Variants in PTPRZ1 observed in about 807,000 individuals in gnomAD.
PTPRZ1 encodes protein tyrosine phosphatase receptor type Z1.
A neutral mutation model predicts 214.1 loss-of-function variants in PTPRZ1; 82 were observed. The observed-to-expected ratio is 0.38, with a 90% confidence interval of 0.32 to 0.46. The LOEUF (loss-of-function observed/expected upper bound fraction) is 0.46, where lower values mean the gene tolerates loss of function less well. Ranked by LOEUF, PTPRZ1 falls within the 20% of genes least tolerant of loss-of-function variation. The pLI, the probability that PTPRZ1 is intolerant of heterozygous loss-of-function variation, is 1.00. For missense variants in PTPRZ1, 2,603 were observed against 2,748.7 expected (o/e 0.95, Z 1.19); for synonymous variants, 945 against 987.9 (o/e 0.96, Z 0.81).
chr7:121,939,726 C>T (rs953308856), intron 2 of PTPRZ1, among the ~76,000 whole-genome samples: 6 of 152,148 alleles, frequency 3.9e-5, no homozygotes, highest in Non-Finnish European at 7.4e-5. Context: ...GATTGTACAG[C>T]GTAAGCCAGA....
rs1469182458 is a variant in PTPRZ1 at position 122,010,385 on chromosome 7, A to G, written c.1339A>G (p.Arg447Gly). 15 of 1,613,982 alleles carry G rather than the reference A, an allele frequency of 9.3e-6. No homozygotes were observed. The highest frequency in any genetic ancestry group is 1.2e-5 in the Non-Finnish European group (14 of 1,179,924). The change falls in exon 12 of 30, where the codon AGA (arginine) becomes GGA (glycine). Residue 447 changes from arginine to glycine, a missense_variant. Physicochemically the swap from Arg to Gly is moderately radical, Grantham distance 125. Transcript: ENST00000393386. ...IEEGAIVNPG[R>G]DSATNQIRKK... ...AGAAGGCGCTATTGTGAATCCTGGTAGAGACAGTGCTACAAACCAAATCAG... is the reference window on the plus strand; with the variant it reads ...AGAAGGCGCTATTGTGAATCCTGGTGGAGACAGTGCTACAAACCAAATCAG...
At chr7:122,059,342 A>T (rs953297163) in intron 28 of PTPRZ1, 1 of 163,590 alleles carries the variant, frequency 6.1e-6, no homozygotes, top group Admixed American at 6.3e-5. Context: ...TCTTCCTAGG[A>T]TTCCATCATA....
chr7:121,918,421 G>A (rs1795489868), intron 1 of PTPRZ1, among the ~76,000 whole-genome samples: 1 of 152,106 alleles, frequency 6.6e-6, no homozygotes, highest in Non-Finnish European at 1.5e-5. Flanking sequence ...GTTTTGCTAT[G>A]GTTCTTGTTT....
chr7:121,932,396 G>A (rs982854441), intron 2 of PTPRZ1, among the ~76,000 whole-genome samples: 18 of 152,124 alleles, frequency 1.2e-4, no homozygotes, highest in African/African-American at 3.6e-4. Context: ...ATAACTGTAT[G>A]AAAATAATGA....
intron 1 of PTPRZ1, among the ~76,000 whole-genome samples, chr7:121,905,785 C>T (rs1795098544): frequency 6.6e-6 from 1 of 152,008 alleles, no homozygotes; most frequent in African/African-American, 2.4e-5. Context: ...TATGGTTGGG[C>T]CGCAAGTAAA....
intron 1 of PTPRZ1, among the ~76,000 whole-genome samples, chr7:121,895,131 ATTTC>A (rs1460450426): frequency 6.6e-6 from 1 of 152,170 alleles, no homozygotes; most frequent in Non-Finnish European, 1.5e-5. Flanking sequence ...AGGGTATATT[ATTTC>A]TTTCTCTTCT....
chr7:122,034,233 T>C, intron 16 of PTPRZ1, 49 bp from the exon 17 acceptor site: 3 of 1,583,194 alleles, frequency 1.9e-6, no homozygotes, highest in East Asian at 2.2e-5. Flanking sequence ...TTAAGGCACG[T>C]TGTTTGAAAG....
At chr7:121,986,022 T>G (rs1423266921) in intron 8 of PTPRZ1, among the ~76,000 whole-genome samples, 11 of 152,232 alleles carry the variant, frequency 7.2e-5, no homozygotes, top group Non-Finnish European at 1.5e-4. Flanking sequence ...TTATACTTAA[T>G]GGGTGCTTCC....
At chr7:122,054,135 G>T in intron 26 of PTPRZ1, 97 bp downstream of exon 26, 1 of 1,373,506 alleles carries the variant, frequency 7.3e-7, no homozygotes, top group Admixed American at 2.1e-5. Flanking sequence ...AAGTAATTTT[G>T]TTTTCAACTA....
chr7:121,936,829 C>T (rs1796098617), intron 2 of PTPRZ1, among the ~76,000 whole-genome samples: 1 of 152,182 alleles, frequency 6.6e-6, no homozygotes, highest in Non-Finnish European at 1.5e-5. Context: ...TCAAAGCCTC[C>T]CTCCAGAGAG....
intron 2 of PTPRZ1, among the ~76,000 whole-genome samples, chr7:121,951,731 G>T (rs867157236): frequency 6.6e-6 from 1 of 152,166 alleles, no homozygotes; most frequent in Non-Finnish European, 1.5e-5. Context: ...TAGAATTTCT[G>T]TGACTTCTCA....
intron 23 of PTPRZ1, 22 bp from the exon 24 acceptor site, chr7:122,051,405 TA>T (rs757341233): frequency 3.2e-6 from 5 of 1,580,178 alleles, no homozygotes; most frequent in South Asian, 2.2e-5. Flanking sequence ...ATAACCTATA[TA>T]TTTTTTTACT....
chr7:121,950,894 A>G (rs1274100820), intron 2 of PTPRZ1, among the ~76,000 whole-genome samples: 1 of 152,198 alleles, frequency 6.6e-6, no homozygotes, highest in Non-Finnish European at 1.5e-5. Flanking sequence ...AAATTTAGAA[A>G]CAGAACGTAT....
At chr7:122,024,172 A>G (rs1455395974) in intron 13 of PTPRZ1, among the ~76,000 whole-genome samples, 1 of 152,180 alleles carries the variant, frequency 6.6e-6, no homozygotes, top group East Asian at 1.9e-4. Flanking sequence ...GTTTTATGGT[A>G]TAATTTACAT....
chr7:122,051,443 A>G lies in PTPRZ1; in HGVS notation c.6100A>G (p.Asn2034Asp), dbSNP rs1792181268. The G allele has an allele frequency of 3.7e-6, 6 of 1,612,816 alleles. No individual in the cohort carries two copies. The highest frequency in any genetic ancestry group is 5.1e-6 in the Non-Finnish European group (6 of 1,179,588). Residue 2034 changes from asparagine (N) to aspartate (D), a missense_variant, in exon 24 of 30, where the codon AAT becomes GAT. Coordinates refer to ENST00000393386, the MANE Select transcript of PTPRZ1 (RefSeq NM_002851.3). ...EKQFQLLSQS[N>D]IQQSDYSAAL... ...TCTTGCCCAGCTCCTGAGCCAGTCAAATATACAGCAGAGTGACTATTCTGC... is the reference window on the plus strand; with the variant it reads ...TCTTGCCCAGCTCCTGAGCCAGTCAGATATACAGCAGAGTGACTATTCTGC...
chr7:122,057,979 CAT>C (rs889083888), intron 27 of PTPRZ1, among the ~76,000 whole-genome samples: 6 of 146,932 alleles, frequency 4.1e-5, no homozygotes, highest in Admixed American at 2.7e-4. Flanking sequence ...TATATATATA[CAT>C]ATATATATAC....
chr7:122,019,798 T>C (rs1227550012), intron 13 of PTPRZ1, among the ~76,000 whole-genome samples: 1 of 152,154 alleles, frequency 6.6e-6, no homozygotes, highest in Non-Finnish European at 1.5e-5. Flanking sequence ...TTAAGATACA[T>C]ATAATTTGCT....
intron 8 of PTPRZ1, 34 bp from the exon 9 acceptor site, chr7:121,996,348 T>A (rs1798133335): frequency 2.7e-6 from 4 of 1,497,662 alleles, no homozygotes. Flanking sequence ...CAAGGCTAAG[T>A]TCTATCAACA....
At chr7:121,891,558 G>A (rs545742453) in intron 1 of PTPRZ1, among the ~76,000 whole-genome samples, 77 of 135,188 alleles carry the variant, frequency 5.7e-4, no homozygotes, top group African/African-American at 2.0e-3. Flanking sequence ...TATATAACTT[G>A]CATTGTCATT....
Sources: allele counts gnomAD v4.1 joint callset (sites outside exome capture counted in the v4.1 genomes callset), GRCh38; gene constraint gnomAD v4.1.1; transcripts MANE v1.5; gene names NCBI Gene and HGNC (gene_info 2026-07-23, HGNC 2026-07-21).